The following LDB3 variants were observed in gnomAD, a reference collection of about 807,000 sequenced individuals.
LDB3 encodes the protein LIM domain-binding protein 3.
In LDB3, 49 loss-of-function variants were observed where a neutral mutation model predicts 69.0. The observed-to-expected ratio is 0.71, with a 90% CI of 0.56 to 0.90. The LOEUF (loss-of-function observed/expected upper bound fraction) is 0.90. LDB3 is among the 40% of genes least tolerant of loss of function. LDB3 has a pLI of 0.00. For missense variants in LDB3, 928 were observed against 974.1 expected (o/e 0.95, Z 0.63); for synonymous variants, 387 against 396.2 (o/e 0.98, Z 0.28).
At chr10:86,681,919 C>T in intron 5 of LDB3, 116 bp downstream of exon 5, 1 of 1,123,280 alleles carries the variant, frequency 8.9e-7, no homozygotes, top group Non-Finnish European at 1.3e-6. Context: ...CCAGCCAGCC[C>T]CGAGCCCATG....
intron 7 of LDB3, among the ~76,000 whole-genome samples, chr10:86,701,700 T>C (rs2132447735): frequency 6.6e-6 from 1 of 152,322 alleles, no homozygotes; most frequent in Admixed American, 6.5e-5. Flanking sequence ...CAGTGTATTT[T>C]ATCATCAGGA....
At chr10:86,718,938 A>C in intron 12 of LDB3, 91 bp downstream of exon 12, 1 of 1,529,370 alleles carries the variant, frequency 6.5e-7, no homozygotes, top group Non-Finnish European at 8.9e-7. Flanking sequence ...ATCCATTCAC[A>C]TCCGACCACC....
intron 2 of LDB3, 43 bp downstream of exon 2, chr10:86,668,827 A>T (rs1013870083): frequency 6.9e-7 from 1 of 1,443,476 alleles, no homozygotes; most frequent in African/African-American, 1.4e-5. Flanking sequence ...TGGGGCAGGC[A>T]CGCTTGGAGG....
intron 13 of LDB3, 76 bp downstream of exon 13, chr10:86,726,328 C>G: frequency 2.7e-6 from 3 of 1,105,736 alleles, no homozygotes; most frequent in Non-Finnish European, 4.1e-6. Context: ...TGACCAACCT[C>G]TACATACCTT....
rs397517224 is a variant in LDB3, at chr10:86,681,644, C to T, written c.530C>T (p.Ala177Val). 4.6e-5 allele frequency: 74 copies of T among 1,613,094 alleles called. No individual in the cohort carries two copies. Among genetic ancestry groups the T allele is most frequent in the Middle Eastern group, 3.3e-4 (2 of 6,082 alleles). Reference sequence around the variant, plus strand: ...AGGGCCAAGACCAGCCCAGAGGGGGCCCGGGACCTACTCGGCCCAAAAGCC... The same window carrying T: ...AGGGCCAAGACCAGCCCAGAGGGGGTCCGGGACCTACTCGGCCCAAAAGCC... ...SLRAKTSPEG[A>V]RDLLGPKALP... Residue 177 changes from alanine to valine, a missense_variant, in exon 5 of 14, where the codon GCC becomes GTC. Physicochemically the swap from Ala to Val is moderately conservative, Grantham distance 64 (BLOSUM62 0). Coordinates refer to ENST00000361373, the MANE Select transcript of LDB3 (RefSeq NM_007078.3).
chr10:86,710,173 GATGCTCCGCCC>G, intron 9 of LDB3, 123 bp downstream of exon 9: 1 of 1,532,940 alleles, frequency 6.5e-7, no homozygotes, highest in East Asian at 2.4e-5. Flanking sequence ...CCTTGCTAAT[GATGCTCCGCCC>G]TCCGTCCCCT....
intron 7 of LDB3, among the ~76,000 whole-genome samples, chr10:86,697,670 C>T (rs982305887): frequency 6.7e-6 from 1 of 149,292 alleles, no homozygotes; most frequent in African/African-American, 2.5e-5. Flanking sequence ...TCTCCTGCCT[C>T]AGCCTCCCGA....
chr10:86,731,027 C>A (rs1014669201), intron 13 of LDB3, among the ~76,000 whole-genome samples: 2 of 151,128 alleles, frequency 1.3e-5, no homozygotes, highest in African/African-American at 4.9e-5. Context: ...TGGTGGTGGG[C>A]GCCTGTAATC....
intron 12 of LDB3, among the ~76,000 whole-genome samples, chr10:86,722,559 CTTTTTTT>C (rs1181539611): frequency 1.8e-5 from 1 of 55,226 alleles, no homozygotes; most frequent in Admixed American, 3.1e-4. Context: ...CGTGCCTGGC[CTTTTTTT>C]TTTTTTTTTT....
intron 7 of LDB3, among the ~76,000 whole-genome samples, chr10:86,705,224 G>C (rs74150395): frequency 0.012 from 1,836 of 152,244 alleles, 44 homozygotes; most frequent in African/African-American, 0.041. Context: ...CTGATAAGTT[G>C]TAGGACCTTG....
At chr10:86,692,404 G>T in intron 6 of LDB3, 131 bp from the exon 7 acceptor site, 2 of 953,598 alleles carry the variant, frequency 2.1e-6, no homozygotes, top group Admixed American at 1.7e-5. Context: ...CCAGCACACA[G>T]TGGACAGGCA....
At chr10:86,671,769 A>G (rs11202117) in intron 2 of LDB3, among the ~76,000 whole-genome samples, 47,170 of 152,060 alleles carry the variant, frequency 0.31, 8,781 homozygotes, top group African/African-American at 0.51. Context: ...CAGCTGTGTC[A>G]CCTCAGAAGT....
chr10:86,694,105 G>A lies in LDB3; in HGVS notation c.896+1534G>A, dbSNP rs142187501. ...CTCATTAACCAGATGTCATTAGAAC[G>A]GGAAAGAGTACCGTGGAAGTGCATT... On this transcript the variant is annotated intron_variant, in intron 7 of 13. Transcript: ENST00000361373. Among the ~76,000 whole-genome samples, 10 of 152,302 alleles carry A rather than the reference G, an allele frequency of 6.6e-5. No individual in the cohort carries two copies. The East Asian group carries it at 7.7e-4, about 12-fold the overall frequency.
At chr10:86,710,318 G>C (rs1846599715) in intron 9 of LDB3, 1 of 941,544 alleles carries the variant, frequency 1.1e-6, no homozygotes. Flanking sequence ...GACCGGGCAT[G>C]GTGGCTCACA....
chr10:86,708,169 G>A (rs904623784), intron 8 of LDB3, among the ~76,000 whole-genome samples: 1 of 152,246 alleles, frequency 6.6e-6, no homozygotes, highest in Admixed American at 6.5e-5. Context: ...CCCACAGGGG[G>A]AGTCCTCCCT....
chr10:86,687,615 C>T (rs1845556151), intron 5 of LDB3, among the ~76,000 whole-genome samples: 1 of 152,254 alleles, frequency 6.6e-6, no homozygotes, highest in South Asian at 2.1e-4. Context: ...GGCCCCCAGG[C>T]CTCTCACAGC....
intron 7 of LDB3, among the ~76,000 whole-genome samples, chr10:86,696,893 T>G (rs1349644353): frequency 6.6e-6 from 1 of 152,266 alleles, no homozygotes; most frequent in African/African-American, 2.4e-5. Flanking sequence ...GTCATTCATG[T>G]GACCTCTCTG....
intron 2 of LDB3, among the ~76,000 whole-genome samples, chr10:86,676,300 T>G (rs1844788144): frequency 6.6e-6 from 1 of 151,996 alleles, no homozygotes; most frequent in Non-Finnish European, 1.5e-5. Context: ...TGGTGGCTCA[T>G]GTCTGTAATC....
intron 2 of LDB3, among the ~76,000 whole-genome samples, chr10:86,673,949 C>G (rs1390032181): frequency 6.6e-6 from 1 of 152,172 alleles, no homozygotes; most frequent in Non-Finnish European, 1.5e-5. Context: ...GCGTCTGAAG[C>G]CTCACTGGTG....
Sources: allele counts gnomAD v4.1 joint callset (sites outside exome capture counted in the v4.1 genomes callset), GRCh38; gene constraint gnomAD v4.1.1; transcripts MANE v1.5; gene names NCBI Gene and HGNC (gene_info 2026-07-23, HGNC 2026-07-21).